Variants in C12orf42 observed in about 807,000 individuals in gnomAD.
The protein encoded by C12orf42 is uncharacterized protein C12orf42.
In C12orf42, 25 loss-of-function variants were observed where a neutral mutation model predicts 21.6. The ratio of observed to expected loss-of-function variants is 1.16; its 90% confidence interval spans 0.84 to 1.62. The LOEUF (loss-of-function observed/expected upper bound fraction) is 1.62, where lower values mean the gene tolerates loss of function less well. Among genes scored for constraint, C12orf42 ranks in the 40% most tolerant of loss-of-function variants. The pLI is 0.00. For missense variants in C12orf42, 483 were observed against 459.3 expected, an observed-to-expected ratio of 1.05 and a Z score of -0.47; for synonymous variants, 174 against 175.0, an observed-to-expected ratio of 0.99 and a Z score of 0.05.
chr12:103,367,668 G>C (rs1163019498), intron 4 of C12orf42, among the ~76,000 whole-genome samples: 1 of 151,962 alleles, frequency 6.6e-6, no homozygotes, highest in Non-Finnish European at 1.5e-5. Flanking sequence ...TTTCCCATGG[G>C]AGAAAGGGGA....
the C12orf42 span, among the ~76,000 whole-genome samples, chr12:103,540,393 G>A: frequency 6.6e-5 from 10 of 152,102 alleles, no homozygotes; most frequent in African/African-American, 2.2e-4. Flanking sequence ...ACTAAGAAAG[G>A]AGTGTTAAAA....
the C12orf42 span, among the ~76,000 whole-genome samples, chr12:103,048,189 T>C: frequency 2.7e-5 from 4 of 145,562 alleles, no homozygotes; most frequent in East Asian, 4.2e-4. Context: ...AACAGCAAGA[T>C]AGGGAAAGGA....
the C12orf42 span, among the ~76,000 whole-genome samples, chr12:103,169,305 A>C: frequency 6.6e-6 from 1 of 152,038 alleles, no homozygotes; most frequent in Non-Finnish European, 1.5e-5. Flanking sequence ...CTGCCTCCTC[A>C]AGCTCATCTA....
chr12:103,435,702 A>G (rs1225083121), intron 2 of C12orf42, among the ~76,000 whole-genome samples: 15 of 151,468 alleles, frequency 9.9e-5, no homozygotes, highest in African/African-American at 3.6e-4. Flanking sequence ...GTTTAGAGAA[A>G]AAAGAATAAA....
At chr12:103,336,655 C>T (rs2041727622) in intron 4 of C12orf42, among the ~76,000 whole-genome samples, 1 of 152,122 alleles carries the variant, frequency 6.6e-6, no homozygotes. Context: ...AAAAGCTTTA[C>T]ATTTTAAGGA....
rs573905766 is a variant in C12orf42 at position 103,369,928 on chromosome 12, C to T, written c.148-930G>A. Among the ~76,000 whole-genome samples the T allele has an allele frequency of 4.5e-4, 68 of 152,170 alleles. 1 individual carries two copies. The South Asian group carries it at 0.013, about 30-fold the overall frequency. On this transcript the variant is annotated intron_variant, in intron 3 of 5. Coordinates refer to ENST00000548883, the MANE Select transcript of C12orf42 (RefSeq NM_198521.5). ...TCTACACAGTAAAAGAAACTATCAA[C>T]AGAGTAAACAGACAACCTACAGAAA...
chr12:103,176,455 T>A, the C12orf42 span, among the ~76,000 whole-genome samples: 1 of 152,262 alleles, frequency 6.6e-6, no homozygotes, highest in Non-Finnish European at 1.5e-5. Context: ...ATAATGCACA[T>A]AAGGGTTTAT....
At chr12:103,400,831 G>T (rs757939073) in intron 3 of C12orf42, among the ~76,000 whole-genome samples, 1 of 152,156 alleles carries the variant, frequency 6.6e-6, no homozygotes, top group African/African-American at 2.4e-5. Flanking sequence ...ATGTGCTTGG[G>T]ATGTTGTGAT....
intron 4 of C12orf42, among the ~76,000 whole-genome samples, chr12:103,346,399 T>A (rs1323880792): frequency 1.3e-5 from 2 of 152,202 alleles, no homozygotes; most frequent in Non-Finnish European, 2.9e-5. Context: ...TTCTAAATTA[T>A]TTTTAATTTA....
chr12:103,117,928 T>G, the C12orf42 span, among the ~76,000 whole-genome samples: 52 of 152,348 alleles, frequency 3.4e-4, no homozygotes, highest in African/African-American at 1.2e-3. Flanking sequence ...AAGCTAAGCA[T>G]ACTTTCCACT....
At chr12:103,156,530 G>T in the C12orf42 span, among the ~76,000 whole-genome samples, 2 of 152,064 alleles carry the variant, frequency 1.3e-5, no homozygotes, top group African/African-American at 4.8e-5. Flanking sequence ...AAAAAAAATG[G>T]GATACATGTG....
At position 103,484,970 on chromosome 12, in the gene C12orf42, T is replaced by C. The variant is rs1954733415; in HGVS notation, c.-21-6523A>G. On this transcript the variant is annotated intron_variant, in intron 1 of 5. Coordinates refer to ENST00000548883, the MANE Select transcript of C12orf42 (RefSeq NM_198521.5). The stretch of plus-strand genomic sequence containing the variant: ...CTGCAAGCTCCACCTCCTGGGTTCA[T>C]GCCATTCTCCTGCCTCAGCCTTCTG... Among the ~76,000 whole-genome samples, 3 of 148,976 alleles carry C rather than the reference T, an allele frequency of 2.0e-5. No individual in the cohort carries two copies. The Admixed American group carries it at 2.0e-4, about 10-fold the overall frequency.
chr12:103,224,447 T>C, the C12orf42 span, among the ~76,000 whole-genome samples: 1 of 151,902 alleles, frequency 6.6e-6, no homozygotes, highest in Non-Finnish European at 1.5e-5. Context: ...AAATTAAGCG[T>C]GATCAGGGTG....
At chr12:103,155,707 T>C in the C12orf42 span, among the ~76,000 whole-genome samples, 8 of 82,472 alleles carry the variant, frequency 9.7e-5, no homozygotes, top group Non-Finnish European at 1.7e-4. Flanking sequence ...TACTTGTATA[T>C]ATACATATAC....
At chr12:103,140,856 A>T in the C12orf42 span, among the ~76,000 whole-genome samples, 3 of 152,170 alleles carry the variant, frequency 2.0e-5, no homozygotes, top group African/African-American at 7.2e-5. Flanking sequence ...ACACACACAC[A>T]CACCATACAA....
chr12:103,158,828 C>T, the C12orf42 span, among the ~76,000 whole-genome samples: 31 of 148,070 alleles, frequency 2.1e-4, no homozygotes, highest in African/African-American at 5.6e-4. Flanking sequence ...TGCAGTGAGC[C>T]GAGATCGTGC....
chr12:103,336,553 A>G (rs534211751), intron 4 of C12orf42, among the ~76,000 whole-genome samples: 16 of 152,346 alleles, frequency 1.1e-4, no homozygotes, highest in African/African-American at 3.8e-4. Flanking sequence ...GGCCTGACAC[A>G]TAGTAGATCT....
chr12:103,051,129 C>A, the C12orf42 span, among the ~76,000 whole-genome samples: 2 of 152,080 alleles, frequency 1.3e-5, no homozygotes, highest in African/African-American at 4.8e-5. Flanking sequence ...TTAAGAAAAT[C>A]ATAATTTAAA....
At position 103,478,329 on chromosome 12, in the gene C12orf42, T is replaced by C. The variant is rs779130050; in HGVS notation, c.78+20A>G. ...TTAACCTAAAAAAAGTAAGAAAATA[T>C]AGTATCTCTTATGCATTACCTGCAT... is the stretch of plus-strand genomic sequence containing the variant. On this transcript the variant is annotated intron_variant, in intron 2 of 5. Coordinates refer to ENST00000548883, the MANE Select transcript of C12orf42 (RefSeq NM_198521.5). The C allele has an allele frequency of 6.6e-7, 1 of 1,526,592 alleles. No homozygotes were observed. The highest frequency in any genetic ancestry group is 1.9e-5 in the Admixed American group (1 of 52,304). The allele number at this position is 1,526,592 out of a possible 1,614,324, so 94.6% of individuals were successfully genotyped here. A position where few individuals can be genotyped will look rare whatever the true frequency, so the allele number is the denominator to read the frequency against.
Sources: gnomAD v4.1 joint callset for allele counts (sites outside exome capture counted in the v4.1 genomes callset) on GRCh38, gnomAD v4.1.1 for gene constraint, MANE v1.5 for transcripts, NCBI Gene and HGNC (gene_info 2026-07-23, HGNC 2026-07-21) for gene names.